The following DPH6 variants were observed in gnomAD, a reference collection of about 807,000 sequenced individuals.
DPH6 encodes the protein diphthine--ammonia ligase.
Under a neutral mutation model 38.2 loss-of-function variants are expected in DPH6, and 33 were observed. That is an observed-to-expected ratio of 0.86 (90% CI 0.65 to 1.15). The LOEUF (loss-of-function observed/expected upper bound fraction) is 1.15, where lower values mean the gene tolerates loss of function less well. Ranked by LOEUF, DPH6 falls within the 50% of genes most tolerant of loss-of-function variation. DPH6 has a pLI of 0.00. For synonymous variants in DPH6, 108 were observed against 103.0 expected, an observed-to-expected ratio of 1.05 and a Z score of -0.30; for missense variants, 325 against 320.0, an observed-to-expected ratio of 1.02 and a Z score of -0.12.
chr15:35,406,420 T>C (rs1245140735), intron 6 of DPH6, among the ~76,000 whole-genome samples: 1 of 151,912 alleles, frequency 6.6e-6, no homozygotes, highest in East Asian at 1.9e-4. Flanking sequence ...ACAAGGAAAG[T>C]GTAATATGAT....
chr15:35,263,957 C>A, intron 3 of DPH6, among the ~76,000 whole-genome samples: 1 of 152,070 alleles, frequency 6.6e-6, no homozygotes, highest in Non-Finnish European at 1.5e-5. Context: ...TCGTGATCTG[C>A]CCACCTCGGC....
intron 3 of DPH6, among the ~76,000 whole-genome samples, chr15:35,472,586 C>T (rs1445388586): frequency 1.3e-5 from 2 of 151,988 alleles, no homozygotes; most frequent in African/African-American, 4.8e-5. Flanking sequence ...AAGGGGCTAA[C>T]AATGAGTATG....
intron 3 of DPH6, among the ~76,000 whole-genome samples, chr15:35,332,451 A>C (rs2052333309): frequency 6.6e-6 from 1 of 152,218 alleles, no homozygotes; most frequent in Non-Finnish European, 1.5e-5. Flanking sequence ...TTTTTATCTC[A>C]ATAAAGAACA....
chr15:35,496,487 G>C, intron 3 of DPH6, among the ~76,000 whole-genome samples: 1 of 145,572 alleles, frequency 6.9e-6, no homozygotes, highest in Non-Finnish European at 1.5e-5. Context: ...CCCGGGAGGC[G>C]GAGGTTGCAG....
intron 3 of DPH6, among the ~76,000 whole-genome samples, chr15:35,226,762 A>C (rs184726125): frequency 3.3e-5 from 5 of 152,360 alleles, no homozygotes; most frequent in African/African-American, 1.2e-4. Context: ...TACCCAAAGC[A>C]ATCTACAGGT....
At chr15:35,520,661 A>T in intron 3 of DPH6, 1 of 985,106 alleles carries the variant, frequency 1.0e-6, no homozygotes, top group Non-Finnish European at 1.2e-6. Context: ...TCATTTTGGT[A>T]ATTTGAAAAT....
At chr15:35,212,080 G>A in the DPH6 span, among the ~76,000 whole-genome samples, 2 of 152,160 alleles carry the variant, frequency 1.3e-5, no homozygotes, top group East Asian at 1.9e-4. Context: ...TATGGACGAA[G>A]ATAGCACTTT....
At chr15:35,332,621 C>T (rs1595483218) in intron 3 of DPH6, among the ~76,000 whole-genome samples, 1 of 152,128 alleles carries the variant, frequency 6.6e-6, no homozygotes, top group East Asian at 1.9e-4. Flanking sequence ...CTGCAACTTA[C>T]CAGGTGTGCA....
chr15:35,342,288 G>A lies in DPH6; in HGVS notation n.208-11211C>T, dbSNP rs118115194. On this transcript the variant is annotated intron_variant and non_coding_transcript_variant, in intron 3 of 3. Transcript: ENST00000558973. Reference sequence around the variant, plus strand: ...CTTCACACAGTTCTGTGTATCAGACGCAAGTCTCTGGTAGTGTGGGCTCAC... The same window carrying A: ...CTTCACACAGTTCTGTGTATCAGACACAAGTCTCTGGTAGTGTGGGCTCAC... Among the ~76,000 whole-genome samples the A allele has an allele frequency of 4.6e-5, 7 of 152,306 alleles. No individual in the cohort carries two copies. The East Asian group carries it at 1.2e-3, about 25-fold the overall frequency.
chr15:35,522,251 C>T, intron 3 of DPH6: 2 of 1,613,176 alleles, frequency 1.2e-6, no homozygotes, highest in Non-Finnish European at 1.7e-6. Context: ...GCATCATATT[C>T]AGCAAGCAAG....
intron 5 of DPH6, among the ~76,000 whole-genome samples, chr15:35,434,792 A>T (rs1299504521): frequency 6.6e-6 from 1 of 152,146 alleles, no homozygotes. Context: ...TTTCTTTTTG[A>T]GACAGAGTCT....
At chr15:35,346,191 G>A (rs1229364126) in intron 3 of DPH6, among the ~76,000 whole-genome samples, 1 of 151,884 alleles carries the variant, frequency 6.6e-6, no homozygotes, top group African/African-American at 2.4e-5. Flanking sequence ...ATTATATAGG[G>A]ACCTCATTGA....
rs1043970796 is a variant in DPH6, at chr15:35,259,385, C to T, written n.201-38803G>A. On this transcript the variant is annotated intron_variant and non_coding_transcript_variant, in intron 3 of 3. Transcript: ENST00000560386. Reference sequence around the variant, plus strand: ...TGACTATGCATGTACACTATACTTCCTCCTGGGAGCAGCTGCTTTCACGCA... The same window carrying T: ...TGACTATGCATGTACACTATACTTCTTCCTGGGAGCAGCTGCTTTCACGCA... 3.3e-5 allele frequency among the ~76,000 whole-genome samples: 5 copies of T among 152,126 alleles called. No homozygotes were observed. In the East Asian group the frequency reaches 9.6e-4, roughly 29 times the overall value.
chr15:35,195,890 T>C, the DPH6 span, among the ~76,000 whole-genome samples: 29 of 152,072 alleles, frequency 1.9e-4, 1 homozygote, highest in Admixed American at 5.2e-4. Flanking sequence ...CTTCTGTAGC[T>C]ATCTACGGGA....
At chr15:35,537,082 C>G (rs1428892159) in intron 3 of DPH6, among the ~76,000 whole-genome samples, 1 of 152,054 alleles carries the variant, frequency 6.6e-6, no homozygotes, top group Non-Finnish European at 1.5e-5. Context: ...AAAATAAGAA[C>G]TATTTTAGTC....
At chr15:35,317,590 CAA>C (rs79613862) in intron 3 of DPH6, among the ~76,000 whole-genome samples, 5 of 73,748 alleles carry the variant, frequency 6.8e-5, no homozygotes, top group Non-Finnish European at 6.5e-5. Context: ...TTCTGCTGGA[CAA>C]AAAAAAAAAA....
chr15:35,452,132 CCTA>C (rs148688094), intron 4 of DPH6, among the ~76,000 whole-genome samples: 17,470 of 149,088 alleles, frequency 0.12, 1,083 homozygotes, highest in Middle Eastern at 0.19. Flanking sequence ...CACTTTATTT[CCTA>C]CTACTTATTC....
At chr15:35,374,397 C>G (rs916358830) in intron 7 of DPH6, among the ~76,000 whole-genome samples, 3 of 151,918 alleles carry the variant, frequency 2.0e-5, no homozygotes, top group Non-Finnish European at 4.4e-5. Flanking sequence ...GCATTTTGAC[C>G]ATTGTAGTAC....
rs576755296 is a variant in DPH6 at position 35,307,213 on chromosome 15, C to G, written n.200+66308G>C. Among the ~76,000 whole-genome samples the G allele has an allele frequency of 2.0e-5, 3 of 152,204 alleles. No homozygotes were observed. The East Asian group carries it at 5.8e-4, about 29-fold the overall frequency. ...TCAAAATTAACATCCCCGTTGAGGGCAGATGGATATAGTGTGCCTCCTGAT... is the reference window on the plus strand; with the variant it reads ...TCAAAATTAACATCCCCGTTGAGGGGAGATGGATATAGTGTGCCTCCTGAT... On this transcript the variant is annotated intron_variant and non_coding_transcript_variant, in intron 3 of 3. Transcript: ENST00000560386.
Sources: allele counts gnomAD v4.1 joint callset (sites outside exome capture counted in the v4.1 genomes callset), GRCh38; gene constraint gnomAD v4.1.1; transcripts MANE v1.5; gene names NCBI Gene and HGNC (gene_info 2026-07-23, HGNC 2026-07-21).